Variants in PIEZO2 observed in about 807,000 individuals in gnomAD.
PIEZO2 encodes the protein piezo type mechanosensitive ion channel component 2.
PIEZO2 carries 172 observed loss-of-function variants against 337.3 expected under a neutral mutation model. The observed-to-expected ratio is 0.51, with a 90% CI of 0.45 to 0.58. The LOEUF (loss-of-function observed/expected upper bound fraction) is 0.58, where lower values mean the gene tolerates loss of function less well. PIEZO2 is among the 20% of genes least tolerant of loss of function. The pLI is 0.00. For missense variants in PIEZO2, 3,028 were observed against 3,391.3 expected, an observed-to-expected ratio of 0.89 and a Z score of 2.66; for synonymous variants, 1,251 against 1,228.5, an observed-to-expected ratio of 1.02 and a Z score of -0.38.
chr18:10,812,557 A>G (rs1437413695), intron 7 of PIEZO2, among the ~76,000 whole-genome samples: 1 of 152,164 alleles, frequency 6.6e-6, no homozygotes, highest in Non-Finnish European at 1.5e-5. Flanking sequence ...ATGCTTTGTG[A>G]TGAAAGAGGA....
chr18:11,063,868 T>A (rs2038057032), intron 2 of PIEZO2, among the ~76,000 whole-genome samples: 1 of 152,146 alleles, frequency 6.6e-6, no homozygotes, highest in East Asian at 1.9e-4. Flanking sequence ...TAGAAAGCCA[T>A]GCTGCATTCA....
intron 7 of PIEZO2, among the ~76,000 whole-genome samples, chr18:10,827,830 A>G (rs1274558636): frequency 1.3e-5 from 2 of 152,222 alleles, no homozygotes; most frequent in Non-Finnish European, 2.9e-5. Context: ...TTAGAGAACT[A>G]GCTCATGTTA....
At chr18:10,996,971 A>G (rs1262189010) in intron 2 of PIEZO2, among the ~76,000 whole-genome samples, 1 of 152,210 alleles carries the variant, frequency 6.6e-6, no homozygotes, top group East Asian at 1.9e-4. Flanking sequence ...ATGAGAAGAG[A>G]GCAAGAAAAA....
chr18:10,796,432 G>A (rs915378163), intron 12 of PIEZO2, among the ~76,000 whole-genome samples: 4 of 151,270 alleles, frequency 2.6e-5, no homozygotes, highest in African/African-American at 9.7e-5. Flanking sequence ...TCTAAGATAA[G>A]ATGTGAATAT....
chr18:10,914,938 C>T (rs556546438), intron 3 of PIEZO2, among the ~76,000 whole-genome samples: 27 of 151,882 alleles, frequency 1.8e-4, no homozygotes, highest in East Asian at 1.9e-4. Context: ...AGGATGTTTC[C>T]TCCTGAATAA....
rs546240357 is a variant in PIEZO2 at position 10,720,305 on chromosome 18, C to G, written c.5030-2046G>C. 3.6e-3 allele frequency among the ~76,000 whole-genome samples: 417 copies of G among 114,910 alleles called. 11 individuals carry two copies. The highest frequency in any genetic ancestry group is 0.015 in the African/African-American group (388 of 25,320). The allele number at this position is 114,910 out of a possible 152,430, so 75.4% of individuals were successfully genotyped here. A position where few individuals can be genotyped will look rare whatever the true frequency, so the allele number is the denominator to read the frequency against. ...TATATCATATGTATATTCTCTCTCT[C>G]TGTGTGTATATATATATATATAATA... On this transcript the variant is annotated intron_variant, in intron 36 of 55. Coordinates refer to ENST00000674853, the MANE Select transcript of PIEZO2 (RefSeq NM_001378183.1).
intron 1 of PIEZO2, among the ~76,000 whole-genome samples, chr18:11,147,047 G>A (rs1466363847): frequency 6.6e-6 from 1 of 152,224 alleles, no homozygotes; most frequent in South Asian, 2.1e-4. Flanking sequence ...GCCAGGCACA[G>A]TGCCAAGCGC....
intron 1 of PIEZO2, among the ~76,000 whole-genome samples, chr18:11,115,683 C>T (rs2039867587): frequency 6.6e-6 from 1 of 152,096 alleles, no homozygotes; most frequent in Non-Finnish European, 1.5e-5. Context: ...CTGCAAGAAG[C>T]ATTCTATACT....
At position 11,131,152 on chromosome 18, in the gene PIEZO2, A is replaced by C. The variant is rs2040329594; in HGVS notation, c.64+17373T>G. Among the ~76,000 whole-genome samples the C allele has an allele frequency of 6.6e-6, 1 of 152,228 alleles. No individual in the cohort carries two copies. The highest frequency in any genetic ancestry group is 2.4e-5 in the African/African-American group (1 of 41,466). On this transcript the variant is annotated intron_variant, in intron 1 of 55. Coordinates refer to ENST00000674853, the MANE Select transcript of PIEZO2 (RefSeq NM_001378183.1). The surrounding 1 kb of genome is among the most constrained non-coding windows in gnomAD (Gnocchi z 5.3). Reference sequence around the variant, plus strand: ...GACTTTGGTGGAAACTGAATGTTTGACTATCGGTCATCAAGTCACCATGCG... The same window carrying C: ...GACTTTGGTGGAAACTGAATGTTTGCCTATCGGTCATCAAGTCACCATGCG...
intron 2 of PIEZO2, among the ~76,000 whole-genome samples, chr18:11,060,209 C>T (rs1271482065): frequency 2.0e-4 from 30 of 152,016 alleles, no homozygotes; most frequent in Non-Finnish European, 3.7e-4. Context: ...TTGAAACCAA[C>T]GAGAACAAAG....
rs950463598 is a variant in PIEZO2 at position 10,727,002 on chromosome 18, G to T, written c.5029+4405C>A. The T allele has an allele frequency of 4.1e-6, 4 of 971,572 alleles. No individual in the cohort carries two copies. Among genetic ancestry groups the T allele is most frequent in the Non-Finnish European group, 6.0e-6 (4 of 661,610 alleles). The allele number at this position is 971,572 out of a possible 1,614,324, so 60.2% of individuals were successfully genotyped here. The stretch of plus-strand genomic sequence containing the variant: ...AGCTCCAGATAGGCCCCCAGAACAT[G>T]AAGCTGTTTGCTCTGTGCTTCCACG... On this transcript the variant is annotated intron_variant, in intron 36 of 55. Coordinates refer to ENST00000674853, the MANE Select transcript of PIEZO2 (RefSeq NM_001378183.1). This position sits in a 1 kb window ranked among gnomAD's most constrained non-coding sequence, Gnocchi z 6.3.
intron 7 of PIEZO2, among the ~76,000 whole-genome samples, chr18:10,823,143 A>G (rs930389982): frequency 1.3e-5 from 2 of 152,350 alleles, no homozygotes; most frequent in East Asian, 3.9e-4. Flanking sequence ...AGAGAGCTTG[A>G]AAGAATTTGC....
chr18:11,054,488 T>C (rs939812838), intron 2 of PIEZO2, among the ~76,000 whole-genome samples: 1 of 152,252 alleles, frequency 6.6e-6, no homozygotes, highest in African/African-American at 2.4e-5. Context: ...TACAAATATT[T>C]ACTGAACGAA....
intron 47 of PIEZO2, 27 bp downstream of exon 47, chr18:10,696,047 G>A: frequency 6.3e-7 from 1 of 1,583,238 alleles, no homozygotes; most frequent in South Asian, 1.1e-5. Flanking sequence ...GAGGCAGGTT[G>A]GTGCCTCTGG....
At chr18:10,935,756 G>C (rs867062895) in intron 3 of PIEZO2, among the ~76,000 whole-genome samples, 4 of 152,244 alleles carry the variant, frequency 2.6e-5, no homozygotes, top group Middle Eastern at 6.8e-3. Context: ...ATGCCACATT[G>C]TTCACTCCAC....
Position 11,149,484 on chromosome 18 carries a change from A to T in PIEZO2, c.-896T>A, listed in dbSNP as rs2146319062. ...AAAAACCAGCGCCGTCCCGTCGCCC[A>T]GCGCGACCACCGCCTGCCGCCTTGC... On this transcript the variant is annotated 5_prime_UTR_variant, in exon 1 of 56. Transcript: ENST00000674853. The surrounding 1 kb of genome is among the most constrained non-coding windows in gnomAD (Gnocchi z 8.7). Among the ~76,000 whole-genome samples, 1 of 152,020 alleles carries T rather than the reference A, an allele frequency of 6.6e-6. No homozygotes were observed. Among genetic ancestry groups the T allele is most frequent in the East Asian group, 2.0e-4 (1 of 5,112 alleles).
At chr18:10,972,459 G>T (rs2034280273) in intron 3 of PIEZO2, among the ~76,000 whole-genome samples, 1 of 152,134 alleles carries the variant, frequency 6.6e-6, no homozygotes, top group South Asian at 2.1e-4. Context: ...CTGCAGCTGT[G>T]GGGCAGGTGG....
intron 49 of PIEZO2, among the ~76,000 whole-genome samples, chr18:10,686,931 G>A (rs768089119): frequency 1.4e-4 from 22 of 152,140 alleles, no homozygotes; most frequent in African/African-American, 3.9e-4. Context: ...GGAGACAAGC[G>A]TCAGGGCAAA....
At position 10,794,514 on chromosome 18, in the gene PIEZO2, C is replaced by T. The variant is rs141399983; in HGVS notation, c.1758+258G>A. The stretch of plus-strand genomic sequence containing the variant: ...CTCTAGTAGGATTTATACTTAAAAA[C>T]ATTTATACAAGTTTTCTTTGAGTGG... On this transcript the variant is annotated intron_variant, in intron 13 of 55. Transcript: ENST00000674853. This position sits in a 1 kb window ranked among gnomAD's most constrained non-coding sequence, Gnocchi z 6.6. 2.5e-3 allele frequency among the ~76,000 whole-genome samples: 381 copies of T among 152,258 alleles called. 2 individuals are homozygous for T. Among genetic ancestry groups the T allele is most frequent in the African/African-American group, 8.6e-3 (359 of 41,566 alleles).
Sources: gnomAD v4.1 joint callset for allele counts (sites outside exome capture counted in the v4.1 genomes callset) on GRCh38, gnomAD v4.1.1 for gene constraint, Gnocchi (gnomAD v3.1) non-coding constraint, MANE v1.5 for transcripts, NCBI Gene and HGNC (gene_info 2026-07-23, HGNC 2026-07-21) for gene names.